LARP1: variants seen among roughly 807,000 people sequenced by gnomAD.
The protein encoded by LARP1 is La ribonucleoprotein 1, translational regulator.
In LARP1, 36 loss-of-function variants were observed where a neutral mutation model predicts 122.7. The observed-to-expected ratio is 0.29, with a 90% CI of 0.22 to 0.39. The LOEUF is 0.39. Ranked by LOEUF, LARP1 falls within the 10% of genes least tolerant of loss-of-function variation. The pLI is 1.00. For missense variants in LARP1, 1,040 were observed against 1,403.6 expected, an observed-to-expected ratio of 0.74 and a Z score of 4.14; for synonymous variants, 539 against 528.7, an observed-to-expected ratio of 1.02 and a Z score of -0.27.
intron 1 of LARP1, among the ~76,000 whole-genome samples, chr5:154,775,086 A>T (rs1028348971): frequency 6.6e-6 from 1 of 152,126 alleles, no homozygotes; most frequent in Admixed American, 6.5e-5. Flanking sequence ...GGGCAAGAGG[A>T]TCACTTGAGC....
chr5:154,792,497 A>C (rs1757422274), intron 3 of LARP1, 125 bp from the exon 4 acceptor site: 2 of 835,660 alleles, frequency 2.4e-6, no homozygotes, highest in Non-Finnish European at 3.9e-6. Flanking sequence ...CTTAGAATAC[A>C]TCCCATCCAG....
intron 13 of LARP1, 58 bp from the exon 14 acceptor site, chr5:154,804,143 A>G: frequency 8.1e-7 from 1 of 1,239,162 alleles, no homozygotes; most frequent in Non-Finnish European, 1.2e-6. Context: ...CAAGTGCTTG[A>G]TGCTCCTCAG....
In LARP1 at chr5:154,795,825, A is replaced by ATATATATTTTATATATATT. The variant is rs1443507472; in HGVS notation, c.1377+513_1377+514insTTTATATATATTTATATAT. 5.1e-3 allele frequency among the ~76,000 whole-genome samples: 555 copies of ATATATATTTTATATATATT among 109,860 alleles called. 2 individuals carry two copies. Among genetic ancestry groups the ATATATATTTTATATATATT allele is most frequent in the Middle Eastern group, 0.025 (6 of 242 alleles). The allele number at this position is 109,860 out of a possible 152,430, so 72.1% of individuals were successfully genotyped here. ...CCCAATTGGCGCCATATATATATTT[A>ATATATATTTTATATATATT]TATATATATTTTATATATATTTATA... is the stretch of plus-strand genomic sequence containing the variant. On this transcript the variant is annotated intron_variant, in intron 8 of 18. Transcript: ENST00000518297.
chr5:154,711,439 A>G (rs1222941165), upstream of LARP1, among the ~76,000 whole-genome samples: 1 of 152,070 alleles, frequency 6.6e-6, no homozygotes, highest in Non-Finnish European at 1.5e-5. Context: ...CGCACCCGGT[A>G]GTGTGGTACA....
intron 1 of LARP1, among the ~76,000 whole-genome samples, chr5:154,783,125 C>T (rs1473255172): frequency 6.6e-6 from 1 of 152,188 alleles, no homozygotes; most frequent in Non-Finnish European, 1.5e-5. Context: ...AGTCAGGGTC[C>T]CTGGACACAG....
At position 154,808,463 on chromosome 5, in the gene LARP1, G is replaced by C; in HGVS notation, c.2703G>C (p.Arg901=). Residue 901 remains arginine (R), a synonymous_variant, in exon 16 of 19, where the codon CGG becomes CGC. Transcript: ENST00000518297. ...TCCTCCTTTCTTTCCCATCAGAGCG[G>C]AAACGCTTGGGCATTGGCCAGTCTC... ...HKYRRRCLNE[R]KRLGIGQSQE... 1 of 1,612,032 alleles carries C rather than the reference G, an allele frequency of 6.2e-7. No individual in the cohort carries two copies.
intron 8 of LARP1, among the ~76,000 whole-genome samples, chr5:154,796,334 T>C (rs1757850106): frequency 6.6e-6 from 1 of 150,534 alleles, no homozygotes; most frequent in Admixed American, 6.7e-5. Context: ...CTGGGTAACA[T>C]AGCAGGACCC....
At chr5:154,747,432 G>A (rs554563686) in intron 1 of LARP1, among the ~76,000 whole-genome samples, 6 of 152,158 alleles carry the variant, frequency 3.9e-5, no homozygotes, top group African/African-American at 1.4e-4. Context: ...GGCCAGGTGC[G>A]GTGGCTCATG....
At chr5:154,777,953 A>G (rs1323975636) in intron 1 of LARP1, among the ~76,000 whole-genome samples, 2 of 152,320 alleles carry the variant, frequency 1.3e-5, no homozygotes, top group South Asian at 2.1e-4. Flanking sequence ...GCTCATGACT[A>G]TACTTACTGC....
intron 1 of LARP1, among the ~76,000 whole-genome samples, chr5:154,694,918 G>T (rs2113221637): frequency 6.6e-6 from 1 of 152,042 alleles, no homozygotes; most frequent in East Asian, 1.9e-4. Context: ...TTGAGACAGG[G>T]TTTCAACTCC....
At position 154,755,502 on chromosome 5, in the gene LARP1, G is replaced by C. The variant is rs1430227842; in HGVS notation, c.-256G>C. 2 of 966,536 alleles carry C rather than the reference G, an allele frequency of 2.1e-6. No homozygotes were observed. Among genetic ancestry groups the C allele is most frequent in the Non-Finnish European group, 2.5e-6 (2 of 811,332 alleles). The allele number at this position is 966,536 out of a possible 1,614,324, so 59.9% of individuals were successfully genotyped here. On this transcript the variant is annotated 5_prime_UTR_variant, in exon 1 of 19. Transcript: ENST00000518297. Reference sequence around the variant, plus strand: ...GCGTCTTGCGAGGAACGGGCGGGGGGGGACGCACGCCTAGGAGGCCTGGAC... The same window carrying C: ...GCGTCTTGCGAGGAACGGGCGGGGGCGGACGCACGCCTAGGAGGCCTGGAC...
At chr5:154,792,869 T>C (rs912113094) in intron 4 of LARP1, 73 bp downstream of exon 4, 3 of 1,472,482 alleles carry the variant, frequency 2.0e-6, no homozygotes, top group Non-Finnish European at 2.8e-6. Context: ...TCCAGGGGAC[T>C]GCTGGAGGAG....
chr5:154,814,121 AG>A lies in LARP1; in HGVS notation c.*31del, dbSNP rs766737574. 337 of 1,552,854 alleles carry A rather than the reference AG, an allele frequency of 2.2e-4. No individual in the cohort carries two copies. The highest frequency in any genetic ancestry group is 2.8e-4 in the Non-Finnish European group (315 of 1,136,432). On this transcript the variant is annotated 3_prime_UTR_variant, in exon 19 of 19. Coordinates refer to ENST00000518297, the MANE Select transcript of LARP1 (RefSeq NM_033551.3). ...AAAAGCTCCTTAGCCCTGGGGCTTG[AG>A]GGGGGAAAGGGGTAGGGTGGGTAAG...
intron 1 of LARP1, among the ~76,000 whole-genome samples, chr5:154,691,261 C>A (rs1445381746): frequency 4.0e-3 from 460 of 115,616 alleles, no homozygotes; most frequent in Non-Finnish European, 4.5e-3. Flanking sequence ...GACTCCGTCT[C>A]AAAAAAAAAA....
chr5:154,803,142 TG>T lies in LARP1; in HGVS notation c.2110-145del. 2 of 1,017,710 alleles carry T rather than the reference TG, an allele frequency of 2.0e-6. No homozygotes were observed. The highest frequency in any genetic ancestry group is 3.0e-6 in the Non-Finnish European group (2 of 677,132). The allele number at this position is 1,017,710 out of a possible 1,614,324, so 63.0% of individuals were successfully genotyped here. A position where few individuals can be genotyped will look rare whatever the true frequency, so the allele number is the denominator to read the frequency against. On this transcript the variant is annotated intron_variant, in intron 11 of 18. Coordinates refer to ENST00000518297, the MANE Select transcript of LARP1 (RefSeq NM_033551.3). This position sits in a 1 kb window ranked among gnomAD's most constrained non-coding sequence, Gnocchi z 4.4. ...GGTAACTGGGGTGAGGAATGGTGAC[TG>T]GGCAGCTGAGAGCCTGGGGACCAGA...
chr5:154,784,103 G>A (rs763035474), intron 1 of LARP1, among the ~76,000 whole-genome samples: 6 of 152,204 alleles, frequency 3.9e-5, no homozygotes, highest in Non-Finnish European at 8.8e-5. Flanking sequence ...CCCAGCTGAA[G>A]GCTAAGGGTT....
At chr5:154,769,868 TAAG>T (rs1415009702) in intron 1 of LARP1, among the ~76,000 whole-genome samples, 4 of 152,124 alleles carry the variant, frequency 2.6e-5, no homozygotes, top group Non-Finnish European at 5.9e-5. Context: ...ATAGGATTGA[TAAG>T]GAGACTGGTG....
chr5:154,691,409 C>A (rs1340646327), intron 1 of LARP1, among the ~76,000 whole-genome samples: 4 of 152,244 alleles, frequency 2.6e-5, no homozygotes, highest in African/African-American at 9.6e-5. Flanking sequence ...TGGCCCTTTC[C>A]CCCGTCTCTG....
chr5:154,755,529 G>A lies in LARP1; in HGVS notation c.-229G>A, dbSNP rs1753783594. On this transcript the variant is annotated 5_prime_UTR_variant, in exon 1 of 19. Transcript: ENST00000518297. ...GACGCACGCCTAGGAGGCCTGGACT[G>A]CAGAGTGGGGGGCCTTCCTCCCCCC... 2.6e-5 allele frequency: 26 copies of A among 985,902 alleles called. No individual in the cohort carries two copies. In the South Asian group the frequency reaches 1.0e-3, roughly 39 times the overall value. The allele number at this position is 985,902 out of a possible 1,614,324, so 61.1% of individuals were successfully genotyped here.
Sources: allele counts gnomAD v4.1 joint callset (sites outside exome capture counted in the v4.1 genomes callset), GRCh38; gene constraint gnomAD v4.1.1; non-coding constraint Gnocchi (gnomAD v3.1); transcripts MANE v1.5; gene names NCBI Gene and HGNC (gene_info 2026-07-23, HGNC 2026-07-21).